The following RABEPK variants were observed in gnomAD, a reference collection of about 807,000 sequenced individuals.
RABEPK encodes the protein 40 kDa Rab9 effector protein.
Under a neutral mutation model 34.1 loss-of-function variants are expected in RABEPK, and 27 were observed. The ratio of observed to expected loss-of-function variants is 0.79; its 90% CI spans 0.58 to 1.09. The LOEUF (loss-of-function observed/expected upper bound fraction) is 1.09, where lower values mean the gene tolerates loss of function less well. RABEPK is among the 50% of genes least tolerant of loss of function. The probability of loss-of-function intolerance (pLI) is 0.00; values close to 1 mark genes in which losing one functional copy is unlikely to be tolerated. For missense variants in RABEPK, 449 were observed against 462.6 expected, an observed-to-expected ratio of 0.97 and a Z score of 0.27; for synonymous variants, 172 against 169.2, an observed-to-expected ratio of 1.02 and a Z score of -0.13.
rs1832423390 is a variant in RABEPK, at chr9:125,234,119, A to G, written c.*139A>G. 1 of 904,938 alleles carries G rather than the reference A, an allele frequency of 1.1e-6. No homozygotes were observed. Among genetic ancestry groups the G allele is most frequent in the Non-Finnish European group, 1.7e-6 (1 of 589,830 alleles). The allele number at this position is 904,938 out of a possible 1,614,324, so 56.1% of individuals were successfully genotyped here. On this transcript the variant is annotated 3_prime_UTR_variant, in exon 8 of 8. Coordinates refer to ENST00000373538, the MANE Select transcript of RABEPK (RefSeq NM_005833.4). ...TTGGTAGGTGAAGAAACTAATGCAA[A>G]TAATTCTTATGTGCACTAAACCTTG...
chr9:125,220,147 C>T (rs1831220756), intron 4 of RABEPK, among the ~76,000 whole-genome samples: 1 of 152,068 alleles, frequency 6.6e-6, no homozygotes, highest in African/African-American at 2.4e-5. Context: ...TACAGGTCCC[C>T]ACCACCATAC....
Position 125,207,703 on chromosome 9 carries a change from G to T in RABEPK, c.193G>T (p.Val65Leu). 1.9e-6 allele frequency: 3 copies of T among 1,614,108 alleles called. No individual in the cohort carries two copies. The highest frequency in any genetic ancestry group is 2.5e-6 in the Non-Finnish European group (3 of 1,179,978). ...GANPNRSFSD[V>L]HTMDLGKHQW... is the part of the protein sequence containing the mutation. ...AAATCCAAACAGAAGCTTCTCAGACGTGCACACCATGGATCTGGGTAAGAT... is the reference window on the plus strand; with the variant it reads ...AAATCCAAACAGAAGCTTCTCAGACTTGCACACCATGGATCTGGGTAAGAT... The change falls in exon 3 of 8, where the codon GTG becomes TTG. Residue 65 changes from valine to leucine, a missense_variant. By Grantham distance (32) the Val-to-Leu change is conservative (BLOSUM62 1). Coordinates refer to ENST00000373538, the MANE Select transcript of RABEPK (RefSeq NM_005833.4).
intron 5 of RABEPK, among the ~76,000 whole-genome samples, chr9:125,224,087 C>T (rs897368835): frequency 2.1e-4 from 32 of 151,036 alleles, no homozygotes; most frequent in African/African-American, 6.6e-4. Flanking sequence ...CCCAGCTACT[C>T]GGGAGGCTGA....
At position 125,234,051 on chromosome 9, in the gene RABEPK, C is replaced by T. The variant is rs1564204388; in HGVS notation, c.*71C>T. On this transcript the variant is annotated 3_prime_UTR_variant, in exon 8 of 8. Transcript: ENST00000373538. ...AAGTAAAACATTAGCTGTTTTATAC[C>T]TCCAAAATATCTTCTGCATTATATA... 3.0e-5 allele frequency: 41 copies of T among 1,357,948 alleles called. No homozygotes were observed. In the East Asian group the frequency reaches 9.5e-4, roughly 31 times the overall value. The allele number at this position is 1,357,948 out of a possible 1,614,324, so 84.1% of individuals were successfully genotyped here.
chr9:125,210,547 GTC>G (rs1201493979), intron 3 of RABEPK, among the ~76,000 whole-genome samples: 1 of 151,210 alleles, frequency 6.6e-6, no homozygotes, highest in Non-Finnish European at 1.5e-5. Context: ...GTGAAACCCT[GTC>G]TCTACTAAAA....
chr9:125,229,842 AC>A (rs1564198276), intron 6 of RABEPK, among the ~76,000 whole-genome samples: 1 of 152,204 alleles, frequency 6.6e-6, no homozygotes, highest in Non-Finnish European at 1.5e-5. Flanking sequence ...CTGTGGAGAG[AC>A]CCTGGACTCA....
intron 6 of RABEPK, among the ~76,000 whole-genome samples, chr9:125,230,596 T>C (rs35704262): frequency 0.55 from 81,822 of 149,478 alleles, 22,548 homozygotes; most frequent in Middle Eastern, 0.58. Flanking sequence ...AGTGCAGTGG[T>C]GCAATCTTGG....
intron 3 of RABEPK, among the ~76,000 whole-genome samples, chr9:125,210,845 T>C (rs1482146109): frequency 1.2e-5 from 1 of 86,162 alleles, no homozygotes; most frequent in East Asian, 3.4e-4. Context: ...TTAAGTTTTG[T>C]TTTTTTTTTT....
At chr9:125,212,638 GTTTC>G (rs775361453) in intron 3 of RABEPK, among the ~76,000 whole-genome samples, 8 of 151,020 alleles carry the variant, frequency 5.3e-5, no homozygotes, top group African/African-American at 9.7e-5. Flanking sequence ...ATACAGGCGT[GTTTC>G]TTTCTTTCTT....
chr9:125,216,900 G>A (rs1830965093), intron 4 of RABEPK, among the ~76,000 whole-genome samples: 1 of 151,638 alleles, frequency 6.6e-6, no homozygotes, highest in Non-Finnish European at 1.5e-5. Context: ...CTGGGAGGTG[G>A]AGGTTGCAGT....
intron 4 of RABEPK, 36 bp from the exon 5 acceptor site, chr9:125,220,501 CCT>C (rs1174458097): frequency 7.5e-6 from 12 of 1,593,474 alleles, no homozygotes; most frequent in Middle Eastern, 1.7e-4. Flanking sequence ...AGCCCCTCTA[CCT>C]GGATATTTTA....
chr9:125,220,035 G>T (rs1045666688), intron 4 of RABEPK, among the ~76,000 whole-genome samples: 1 of 151,766 alleles, frequency 6.6e-6, no homozygotes, highest in African/African-American at 2.4e-5. Context: ...GCCTTGCTCT[G>T]TCACCCAGGC....
intron 6 of RABEPK, 64 bp downstream of exon 6, chr9:125,228,123 G>A: frequency 7.9e-7 from 1 of 1,267,702 alleles, no homozygotes; most frequent in Non-Finnish European, 1.0e-6. Flanking sequence ...TTTATTTTTA[G>A]ACAGGATCTC....
At chr9:125,233,462 C>G (rs1035893323) in intron 7 of RABEPK, among the ~76,000 whole-genome samples, 1 of 151,460 alleles carries the variant, frequency 6.6e-6, no homozygotes, top group African/African-American at 2.4e-5. Flanking sequence ...CCTCAGCCTC[C>G]CGAGTAGCTG....
chr9:125,203,134 C>A, intron 2 of RABEPK, 68 bp downstream of exon 2: 1 of 1,357,682 alleles, frequency 7.4e-7, no homozygotes, highest in Non-Finnish European at 1.0e-6. Context: ...AGTTTATTTA[C>A]ATATTTGATC....
At chr9:125,200,993 G>A (rs1829871863) in intron 1 of RABEPK, 87 bp downstream of exon 1, 1 of 380,570 alleles carries the variant, frequency 2.6e-6, no homozygotes, top group Admixed American at 3.2e-5. Flanking sequence ...CAGGTCCATT[G>A]GTAGGTTCTC....
chr9:125,220,323 A>C lies in RABEPK; in HGVS notation c.365-216A>C. ...CCAGCCTGACTCCATTCTTGTGCTT[A>C]CAGCTTTTAAATCTTGGGGATTTTG... On this transcript the variant is annotated intron_variant, in intron 4 of 7. Coordinates refer to ENST00000373538, the MANE Select transcript of RABEPK (RefSeq NM_005833.4). 2.1e-6 allele frequency: 3 copies of C among 1,441,120 alleles called. No individual in the cohort carries two copies. In the South Asian group the frequency reaches 4.8e-5, roughly 23 times the overall value. The allele number at this position is 1,441,120 out of a possible 1,614,324, so 89.3% of individuals were successfully genotyped here. A position where few individuals can be genotyped will look rare whatever the true frequency, so the allele number is the denominator to read the frequency against.
chr9:125,200,992 T>C (rs755520701), intron 1 of RABEPK, 86 bp downstream of exon 1: 45 of 381,012 alleles, frequency 1.2e-4, no homozygotes, highest in Non-Finnish European at 1.9e-4. Flanking sequence ...CCAGGTCCAT[T>C]GGTAGGTTCT....
chr9:125,207,847 C>A, intron 3 of RABEPK, 126 bp downstream of exon 3: 3 of 1,184,868 alleles, frequency 2.5e-6, no homozygotes, highest in African/African-American at 1.5e-5. Context: ...TGGCCAGGAC[C>A]AGGTGTGGTG....
Sources: gnomAD v4.1 joint callset for allele counts (sites outside exome capture counted in the v4.1 genomes callset) on GRCh38, gnomAD v4.1.1 for gene constraint, MANE v1.5 for transcripts, NCBI Gene and HGNC (gene_info 2026-07-23, HGNC 2026-07-21) for gene names.